The following TCF4 variants were observed in gnomAD, a reference collection of about 807,000 sequenced individuals.
TCF4 encodes SL3-3 enhancer factor 2.
A neutral mutation model predicts 82.1 loss-of-function variants in TCF4; 3 were observed. The ratio of observed to expected loss-of-function variants is 0.04; its 90% CI spans 0.02 to 0.09. The LOEUF (loss-of-function observed/expected upper bound fraction) is 0.09. Among genes scored for constraint, TCF4 ranks in the 10% least tolerant of loss-of-function variants. The probability of loss-of-function intolerance (pLI) is 1.00; values close to 1 mark genes in which losing one functional copy is unlikely to be tolerated. For synonymous variants in TCF4, 276 were observed against 309.6 expected, an observed-to-expected ratio of 0.89 and a Z score of 1.14; for missense variants, 518 against 852.7, an observed-to-expected ratio of 0.61 and a Z score of 4.89.
intron 8 of TCF4, among the ~76,000 whole-genome samples, chr18:55,342,140 G>A (rs1478410046): frequency 6.6e-6 from 1 of 152,116 alleles, no homozygotes; most frequent in Non-Finnish European, 1.5e-5. Flanking sequence ...GCTTGTTACT[G>A]TCGGGTTTCA....
chr18:55,504,268 C>G (rs1002153387), intron 3 of TCF4, among the ~76,000 whole-genome samples: 1 of 152,188 alleles, frequency 6.6e-6, no homozygotes, highest in African/African-American at 2.4e-5. Flanking sequence ...GAAAAGAGAA[C>G]TCACATCTGT....
intron 3 of TCF4, among the ~76,000 whole-genome samples, chr18:55,468,183 G>A (rs2096073295): frequency 6.6e-6 from 1 of 152,168 alleles, no homozygotes; most frequent in Admixed American, 6.5e-5. Flanking sequence ...ATCAATATTT[G>A]AAGGACCCAA....
chr18:55,359,146 C>T (rs548869085), intron 6 of TCF4, among the ~76,000 whole-genome samples: 77 of 152,332 alleles, frequency 5.1e-4, no homozygotes, highest in African/African-American at 1.8e-3. Flanking sequence ...CCCGCTTGGA[C>T]AACTGAAATT....
In TCF4 at chr18:55,588,174, G is replaced by A; in HGVS notation, c.-157C>T. On this transcript the variant is annotated 5_prime_UTR_variant, in exon 1 of 20. Transcript: ENST00000354452. The stretch of plus-strand genomic sequence containing the variant: ...CTGCCTCCCCGCCGCCGCCGCCGCC[G>A]CCGCCACTACAGATCCGCAGACACA... 3.6e-6 allele frequency: 4 copies of A among 1,126,560 alleles called. No individual in the cohort carries two copies. The highest frequency in any genetic ancestry group is 4.3e-6 in the Non-Finnish European group (4 of 926,618). 69.8% of individuals were successfully genotyped at this position (1,126,560 alleles called of 1,614,324 possible).
chr18:55,576,479 G>A lies in TCF4; in HGVS notation c.145+8801C>T, dbSNP rs145083458. On this transcript the variant is annotated intron_variant, in intron 3 of 19. Transcript: ENST00000354452. ...GGTTTTTGCCTGGAAATCATCCCAT[G>A]TGTCTAGACCAGAGTTGACTCCACT... Among the ~76,000 whole-genome samples, 10 of 152,258 alleles carry A rather than the reference G, an allele frequency of 6.6e-5. No individual in the cohort carries two copies. In the East Asian group the frequency reaches 1.9e-3, roughly 29 times the overall value.
chr18:55,275,504 T>C, intron 10 of TCF4, 115 bp downstream of exon 10: 1 of 1,314,464 alleles, frequency 7.6e-7, no homozygotes, highest in Non-Finnish European at 1.1e-6. Flanking sequence ...GAATAATGGG[T>C]GTGTGCCATT....
At chr18:55,451,496 C>A (rs1251018370) in intron 5 of TCF4, among the ~76,000 whole-genome samples, 8 of 152,164 alleles carry the variant, frequency 5.3e-5, no homozygotes, top group Non-Finnish European at 8.8e-5. Flanking sequence ...ATCCACTGTC[C>A]CATGACACCC....
intron 8 of TCF4, among the ~76,000 whole-genome samples, chr18:55,327,042 C>A (rs1242379847): frequency 1.3e-5 from 2 of 152,116 alleles, no homozygotes; most frequent in Non-Finnish European, 2.9e-5. Flanking sequence ...TAACTTGAGA[C>A]AGCCTTGCAA....
At chr18:55,601,776 C>A (rs2097697294) in intron 2 of TCF4, among the ~76,000 whole-genome samples, 2 of 152,106 alleles carry the variant, frequency 1.3e-5, no homozygotes, top group African/African-American at 4.8e-5. Context: ...CAGAGTGAGA[C>A]TCTGTCTTAA....
chr18:55,440,460 G>T (rs539594012), intron 5 of TCF4, among the ~76,000 whole-genome samples: 2 of 152,248 alleles, frequency 1.3e-5, no homozygotes, highest in South Asian at 4.2e-4. Context: ...TTGTGTCTGT[G>T]TCTGACATCT....
At chr18:55,231,264 C>T (rs1340100548) in intron 17 of TCF4, 2 of 152,218 alleles carry the variant, frequency 1.3e-5, no homozygotes, top group African/African-American at 4.8e-5. Context: ...ACAAATGCTA[C>T]ACCTTACACA....
chr18:55,513,412 T>C (rs914118733), intron 3 of TCF4, among the ~76,000 whole-genome samples: 3 of 151,406 alleles, frequency 2.0e-5, no homozygotes, highest in Non-Finnish European at 1.5e-5. Context: ...TCCATATAAA[T>C]GTCTAATTTT....
intron 8 of TCF4, chr18:55,302,663 C>T: frequency 6.8e-7 from 1 of 1,467,390 alleles, no homozygotes. Context: ...CTGTGGCTGG[C>T]CTAGGGGTGG....
chr18:55,500,641 T>A (rs2096687582), intron 3 of TCF4, among the ~76,000 whole-genome samples: 1 of 152,204 alleles, frequency 6.6e-6, no homozygotes, highest in East Asian at 1.9e-4. Context: ...TTAAGCGCTA[T>A]CAGCCTCTCA....
chr18:55,407,240 G>C (rs776586358), intron 5 of TCF4, among the ~76,000 whole-genome samples: 22 of 152,150 alleles, frequency 1.4e-4, no homozygotes, highest in Admixed American at 9.2e-4. Flanking sequence ...ACGAAGGGCT[G>C]AATGAAAGCT....
intron 5 of TCF4, among the ~76,000 whole-genome samples, chr18:55,413,870 T>C (rs1159846173): frequency 6.6e-6 from 1 of 152,184 alleles, no homozygotes; most frequent in East Asian, 1.9e-4. Context: ...ATCTGAATAG[T>C]GGTGAATGAG....
chr18:55,403,527 A>G lies in TCF4; in HGVS notation c.305-9T>C. The G allele has an allele frequency of 3.7e-6, 6 of 1,613,852 alleles. No individual in the cohort carries two copies. The highest frequency in any genetic ancestry group is 5.1e-6 in the Non-Finnish European group (6 of 1,179,824). The stretch of plus-strand genomic sequence containing the variant: ...GCCCCTTTCTGTTTTACCTGCCAAG[A>G]GAAACGACAAAAAAGTGTAAATTGT... On this transcript the variant is annotated splice_polypyrimidine_tract_variant and intron_variant, in intron 5 of 19. Transcript: ENST00000354452.
At chr18:55,389,611 G>A (rs2092906430) in intron 6 of TCF4, among the ~76,000 whole-genome samples, 1 of 152,140 alleles carries the variant, frequency 6.6e-6, no homozygotes, top group African/African-American at 2.4e-5. Context: ...ACTCTTGAGG[G>A]AACTGCAAGC....
intron 9 of TCF4, among the ~76,000 whole-genome samples, chr18:55,277,358 C>T (rs1358430557): frequency 6.6e-6 from 1 of 152,064 alleles, no homozygotes; most frequent in Non-Finnish European, 1.5e-5. Context: ...AAATTGAAAA[C>T]ATATATCACT....
Sources: gnomAD v4.1 joint callset for allele counts (sites outside exome capture counted in the v4.1 genomes callset) on GRCh38, gnomAD v4.1.1 for gene constraint, MANE v1.5 for transcripts, NCBI Gene and HGNC (gene_info 2026-07-23, HGNC 2026-07-21) for gene names.